Variants in FGF14 observed in about 807,000 individuals in gnomAD.
FGF14 encodes the protein fibroblast growth factor 14.
In FGF14, 5 loss-of-function variants were observed where a neutral mutation model predicts 25.5. That is an observed-to-expected ratio of 0.20 (90% CI 0.10 to 0.41). FGF14 has a LOEUF of 0.41. Ranked by LOEUF, FGF14 falls within the 10% of genes least tolerant of loss-of-function variation. The probability of loss-of-function intolerance (pLI) is 1.00; values close to 1 mark genes in which losing one functional copy is unlikely to be tolerated. For missense variants in FGF14, 222 were observed against 320.1 expected (o/e 0.69, Z 2.34); for synonymous variants, 138 against 118.3 (o/e 1.17, Z -1.08).
chr13:102,059,675 A>G (rs1041950916), intron 1 of FGF14, among the ~76,000 whole-genome samples: 1 of 152,062 alleles, frequency 6.6e-6, no homozygotes, highest in Non-Finnish European at 1.5e-5. Flanking sequence ...ACGTGGTGAA[A>G]CCACGTCTCT....
intron 1 of FGF14, among the ~76,000 whole-genome samples, chr13:102,169,509 A>G (rs1294398297): frequency 1.3e-5 from 2 of 152,210 alleles, no homozygotes; most frequent in African/African-American, 4.8e-5. Flanking sequence ...AATCATTATT[A>G]TAATTCCCTA....
At chr13:101,990,228 C>A (rs772369226) in intron 1 of FGF14, among the ~76,000 whole-genome samples, 4 of 152,094 alleles carry the variant, frequency 2.6e-5, no homozygotes, top group Non-Finnish European at 5.9e-5. Flanking sequence ...AGACATGGTT[C>A]ATCAGTTACT....
At chr13:102,009,731 G>C (rs1364466190) in intron 1 of FGF14, among the ~76,000 whole-genome samples, 3 of 151,812 alleles carry the variant, frequency 2.0e-5, no homozygotes, top group African/African-American at 7.3e-5. Context: ...ATTTTAATAA[G>C]AGACTCAACT....
chr13:101,914,164 G>C (rs2033234596), intron 1 of FGF14, among the ~76,000 whole-genome samples: 1 of 151,316 alleles, frequency 6.6e-6, no homozygotes, highest in Admixed American at 6.6e-5. Flanking sequence ...AAATATGCTT[G>C]AAAATATGTT....
intron 3 of FGF14, 39 bp from the exon 4 acceptor site, chr13:101,726,849 C>T: frequency 2.8e-6 from 4 of 1,450,428 alleles, no homozygotes; most frequent in East Asian, 2.3e-5. Context: ...GAGGAAGGAA[C>T]TTGATCTTCA....
chr13:101,751,218 C>T (rs1202223085), intron 3 of FGF14, among the ~76,000 whole-genome samples: 1 of 151,970 alleles, frequency 6.6e-6, no homozygotes, highest in Non-Finnish European at 1.5e-5. Context: ...ATTAATTTAT[C>T]AATATTGGCT....
At chr13:102,306,647 T>C (rs539539420) in intron 1 of FGF14, among the ~76,000 whole-genome samples, 1 of 152,136 alleles carries the variant, frequency 6.6e-6, no homozygotes, top group Non-Finnish European at 1.5e-5. Flanking sequence ...GCTTAAAAAA[T>C]AATAATCACA....
intron 3 of FGF14, among the ~76,000 whole-genome samples, chr13:101,770,127 TA>T (rs35504418): frequency 0.42 from 64,289 of 151,792 alleles, 14,852 homozygotes; most frequent in Non-Finnish European, 0.52. Context: ...TGTAAAAACA[TA>T]AAAGTCTTTT....
At position 101,712,597 on chromosome 13, in the gene FGF14, C is replaced by T. The variant is rs895162301; in HGVS notation, c.*10234G>A. ...AAAATCAGCACTACTTTAGAAACAACTAAAGACAGCCAAATACTTCAAATA... is the reference window on the plus strand; with the variant it reads ...AAAATCAGCACTACTTTAGAAACAATTAAAGACAGCCAAATACTTCAAATA... On this transcript the variant is annotated 3_prime_UTR_variant, in exon 5 of 5. Coordinates refer to ENST00000376143, the MANE Select transcript of FGF14 (RefSeq NM_004115.4). 2 of 152,148 alleles carry T rather than the reference C, an allele frequency of 1.3e-5. No homozygotes were observed. The highest frequency in any genetic ancestry group is 2.4e-5 in the African/African-American group (1 of 41,428). 9.4% of individuals were successfully genotyped at this position (152,148 alleles called of 1,614,324 possible).
intron 3 of FGF14, among the ~76,000 whole-genome samples, chr13:101,859,798 C>A (rs2044315257): frequency 6.6e-6 from 1 of 152,084 alleles, no homozygotes; most frequent in Non-Finnish European, 1.5e-5. Flanking sequence ...GATGTAACTG[C>A]TGATCACCTC....
chr13:101,931,909 G>A (rs940738016), intron 1 of FGF14, among the ~76,000 whole-genome samples: 1 of 152,190 alleles, frequency 6.6e-6, no homozygotes, highest in African/African-American at 2.4e-5. Flanking sequence ...GCTCCAAAGA[G>A]CTGCCTATTG....
intron 1 of FGF14, among the ~76,000 whole-genome samples, chr13:102,282,370 T>C (rs1034384458): frequency 6.6e-6 from 1 of 152,160 alleles, no homozygotes; most frequent in Non-Finnish European, 1.5e-5. Flanking sequence ...CCCTACTTCT[T>C]ACAGGTTATC....
chr13:101,972,422 G>A (rs972728169), intron 1 of FGF14, among the ~76,000 whole-genome samples: 1 of 152,308 alleles, frequency 6.6e-6, no homozygotes, highest in Middle Eastern at 3.4e-3. Context: ...AATTTTGCCT[G>A]AGGCTGCCAT....
chr13:101,950,185 C>T (rs980190383), intron 1 of FGF14, among the ~76,000 whole-genome samples: 3 of 151,978 alleles, frequency 2.0e-5, no homozygotes, highest in East Asian at 1.9e-4. Flanking sequence ...AGCCACTCAA[C>T]GAGTCTATAA....
intron 1 of FGF14, among the ~76,000 whole-genome samples, chr13:102,082,944 T>C (rs1028877190): frequency 6.0e-5 from 9 of 150,206 alleles, no homozygotes; most frequent in Non-Finnish European, 8.8e-5. Context: ...GGAGACAGAG[T>C]GAGACTCCGT....
At chr13:101,970,063 G>A (rs1328403956) in intron 1 of FGF14, among the ~76,000 whole-genome samples, 1 of 152,134 alleles carries the variant, frequency 6.6e-6, no homozygotes, top group African/African-American at 2.4e-5. Context: ...TAATAGTGTG[G>A]CAGCTTTTGC....
At chr13:102,139,229 A>G (rs937739200) in intron 1 of FGF14, among the ~76,000 whole-genome samples, 2 of 150,038 alleles carry the variant, frequency 1.3e-5, no homozygotes, top group African/African-American at 4.9e-5. Flanking sequence ...CAGTTTTCTC[A>G]TCTATGAAAT....
chr13:102,053,937 T>A (rs61966531), intron 1 of FGF14, among the ~76,000 whole-genome samples: 7,869 of 152,242 alleles, frequency 0.052, 230 homozygotes, highest in Middle Eastern at 0.065. Flanking sequence ...TCCTGGCACA[T>A]AGTACTCACT....
chr13:102,393,199 A>G (rs1485882616), intron 1 of FGF14, among the ~76,000 whole-genome samples: 3 of 152,088 alleles, frequency 2.0e-5, no homozygotes, highest in Admixed American at 6.5e-5. Flanking sequence ...CCTTGGCCCT[A>G]TAGCACCTTG....
Sources: allele counts gnomAD v4.1 joint callset (sites outside exome capture counted in the v4.1 genomes callset), GRCh38; gene constraint gnomAD v4.1.1; transcripts MANE v1.5; gene names NCBI Gene and HGNC (gene_info 2026-07-23, HGNC 2026-07-21).